CDK6: variants seen among roughly 807,000 people sequenced by gnomAD.
CDK6 encodes the protein cyclin-dependent kinase 6.
Under a neutral mutation model 37.1 loss-of-function variants are expected in CDK6, and 6 were observed. The ratio of observed to expected loss-of-function variants is 0.16; its 90% CI spans 0.09 to 0.32. CDK6 has a LOEUF of 0.32. CDK6 is among the 10% of genes least tolerant of loss of function. The pLI is 1.00. For missense variants in CDK6, 224 were observed against 418.9 expected, an observed-to-expected ratio of 0.53 and a Z score of 4.06; for synonymous variants, 160 against 161.3, an observed-to-expected ratio of 0.99 and a Z score of 0.06.
chr7:92,616,744 G>C (rs529453391), intron 7 of CDK6, among the ~76,000 whole-genome samples: 2 of 152,334 alleles, frequency 1.3e-5, no homozygotes, highest in African/African-American at 4.8e-5. Context: ...CATGTCTCTA[G>C]AGGATTATGT....
chr7:92,756,761 C>A (rs1447483099), intron 3 of CDK6, among the ~76,000 whole-genome samples: 1 of 152,186 alleles, frequency 6.6e-6, no homozygotes, highest in Non-Finnish European at 1.5e-5. Flanking sequence ...GGCAATCTAT[C>A]TTTCCAATAA....
At chr7:92,657,515 G>A (rs1414435855) in intron 5 of CDK6, among the ~76,000 whole-genome samples, 1 of 152,150 alleles carries the variant, frequency 6.6e-6, no homozygotes, top group Non-Finnish European at 1.5e-5. Flanking sequence ...CCTGTGCACT[G>A]GAAAAAAACT....
chr7:92,683,709 T>G (rs1347581383), intron 4 of CDK6, among the ~76,000 whole-genome samples: 8 of 144,872 alleles, frequency 5.5e-5, no homozygotes, highest in East Asian at 2.0e-4. Flanking sequence ...AGGACTGTGG[T>G]GGGGGGGGGG....
At chr7:92,757,388 A>C (rs1799341722) in intron 3 of CDK6, among the ~76,000 whole-genome samples, 5 of 152,244 alleles carry the variant, frequency 3.3e-5, no homozygotes, top group Middle Eastern at 3.4e-3. Context: ...CCCACTTACA[A>C]GTGAGGACAT....
At chr7:92,733,263 A>T (rs1798695915) in intron 3 of CDK6, among the ~76,000 whole-genome samples, 2 of 152,098 alleles carry the variant, frequency 1.3e-5, no homozygotes, top group Admixed American at 6.5e-5. Context: ...TGTTTATAAT[A>T]TCGCCTTTGC....
intron 2 of CDK6, among the ~76,000 whole-genome samples, chr7:92,808,075 C>G (rs532361307): frequency 2.0e-5 from 3 of 152,238 alleles, no homozygotes; most frequent in African/African-American, 7.2e-5. Flanking sequence ...TAACAGATGA[C>G]TCCCCTGTAA....
chr7:92,634,949 C>T lies in CDK6; in HGVS notation c.648-11863G>A, dbSNP rs189579702. Among the ~76,000 whole-genome samples the T allele has an allele frequency of 1.5e-3, 232 of 152,200 alleles. 2 individuals are homozygous for T. The highest frequency in any genetic ancestry group is 5.2e-3 in the African/African-American group (215 of 41,528). ...GACATGTGGGGGGATGTAGTAGAGT[C>T]TGTTTTATATTCATAGTGAGAAGAC... On this transcript the variant is annotated intron_variant, in intron 5 of 7. Coordinates refer to ENST00000424848, the MANE Select transcript of CDK6 (RefSeq NM_001145306.2).
At chr7:92,644,470 T>C (rs949048014) in intron 5 of CDK6, among the ~76,000 whole-genome samples, 2 of 152,198 alleles carry the variant, frequency 1.3e-5, no homozygotes, top group Non-Finnish European at 2.9e-5. Flanking sequence ...GGCCCTCTAC[T>C]CCCTGGCTTC....
intron 2 of CDK6, among the ~76,000 whole-genome samples, chr7:92,796,889 G>T (rs902762781): frequency 1.3e-5 from 2 of 151,998 alleles, no homozygotes; most frequent in Admixed American, 1.3e-4. Context: ...CCATAAGCAG[G>T]ACATGAGACA....
intron 3 of CDK6, among the ~76,000 whole-genome samples, chr7:92,733,407 T>C (rs1798700226): frequency 6.6e-6 from 1 of 152,206 alleles, no homozygotes; most frequent in Non-Finnish European, 1.5e-5. Flanking sequence ...TTCAGAACTT[T>C]GACTTCTTTA....
chr7:92,721,070 T>C (rs1273997138), intron 4 of CDK6, among the ~76,000 whole-genome samples: 1 of 152,120 alleles, frequency 6.6e-6, no homozygotes, highest in Non-Finnish European at 1.5e-5. Flanking sequence ...ACTTTTCTGA[T>C]AAAAATAACC....
At chr7:92,776,309 T>C (rs187419357) in intron 2 of CDK6, among the ~76,000 whole-genome samples, 2,290 of 152,342 alleles carry the variant, frequency 0.015, 29 homozygotes, top group Non-Finnish European at 0.024. Context: ...CAGTCTATCA[T>C]TGATGGGCAT....
chr7:92,696,070 G>C (rs1389695169), intron 4 of CDK6, among the ~76,000 whole-genome samples: 1 of 152,188 alleles, frequency 6.6e-6, no homozygotes, highest in Non-Finnish European at 1.5e-5. Context: ...TGTACAAAGT[G>C]AAAGTTTCCA....
At chr7:92,650,108 C>T (rs899687038) in intron 5 of CDK6, among the ~76,000 whole-genome samples, 1 of 152,174 alleles carries the variant, frequency 6.6e-6, no homozygotes, top group Non-Finnish European at 1.5e-5. Context: ...AAACAAGAAG[C>T]TACAAACAAT....
chr7:92,632,998 A>G, intron 5 of CDK6, among the ~76,000 whole-genome samples: 1 of 134,620 alleles, frequency 7.4e-6, no homozygotes, highest in Non-Finnish European at 1.5e-5. Context: ...GCAGGATCTG[A>G]GTCTTGACTA....
chr7:92,648,738 C>T (rs545661895), intron 5 of CDK6, among the ~76,000 whole-genome samples: 2 of 152,286 alleles, frequency 1.3e-5, no homozygotes, highest in East Asian at 3.9e-4. Context: ...TTATCTGTGT[C>T]AGAGAAGAAC....
At chr7:92,645,837 C>T (rs1268037734) in intron 5 of CDK6, among the ~76,000 whole-genome samples, 1 of 152,194 alleles carries the variant, frequency 6.6e-6, no homozygotes, top group Admixed American at 6.5e-5. Flanking sequence ...CGTGGATACT[C>T]CTTAGTAAGG....
chr7:92,712,820 T>C (rs1798127886), intron 4 of CDK6, among the ~76,000 whole-genome samples: 1 of 151,856 alleles, frequency 6.6e-6, no homozygotes, highest in South Asian at 2.1e-4. Flanking sequence ...TTCTCTCTTC[T>C]TTAGACATTA....
intron 4 of CDK6, among the ~76,000 whole-genome samples, chr7:92,700,355 A>G (rs923991514): frequency 3.9e-5 from 6 of 152,232 alleles, no homozygotes; most frequent in African/African-American, 1.4e-4. Flanking sequence ...GATCTCAATG[A>G]AAAGGCTGCA....
Sources: allele counts gnomAD v4.1 joint callset (sites outside exome capture counted in the v4.1 genomes callset), GRCh38; gene constraint gnomAD v4.1.1; transcripts MANE v1.5; gene names NCBI Gene and HGNC (gene_info 2026-07-23, HGNC 2026-07-21).